Variants in AKT3 observed in about 807,000 individuals in gnomAD.
AKT3 encodes AKT serine/threonine kinase 3.
In AKT3, 15 loss-of-function variants were observed where a neutral mutation model predicts 65.3. That is an observed-to-expected ratio of 0.23 (90% CI 0.15 to 0.35). The LOEUF (loss-of-function observed/expected upper bound fraction) is 0.35, where lower values mean the gene tolerates loss of function less well. Among genes scored for constraint, AKT3 ranks in the 10% least tolerant of loss-of-function variants. The pLI is 1.00. For missense variants in AKT3, 243 were observed against 576.5 expected (o/e 0.42, Z 5.92); for synonymous variants, 206 against 183.8 (o/e 1.12, Z -0.98).
intron 2 of AKT3, among the ~76,000 whole-genome samples, chr1:243,753,718 T>G (rs944294004): frequency 2.6e-5 from 4 of 152,202 alleles, no homozygotes; most frequent in Non-Finnish European, 4.4e-5. Flanking sequence ...CTCCAGTTGT[T>G]CTCTATTGTC....
At chr1:243,658,196 T>C (rs1681971464) in intron 4 of AKT3, among the ~76,000 whole-genome samples, 1 of 152,120 alleles carries the variant, frequency 6.6e-6, no homozygotes, top group South Asian at 2.1e-4. Context: ...TTCCAAACCA[T>C]ATGTCTGATA....
At chr1:243,569,979 A>G (rs1292694650) in intron 9 of AKT3, among the ~76,000 whole-genome samples, 1 of 152,218 alleles carries the variant, frequency 6.6e-6, no homozygotes, top group Non-Finnish European at 1.5e-5. Flanking sequence ...GTTTTCCTTA[A>G]GTAATCACAA....
At chr1:243,656,135 A>C (rs1250334986) in intron 4 of AKT3, among the ~76,000 whole-genome samples, 1 of 151,970 alleles carries the variant, frequency 6.6e-6, no homozygotes, top group Non-Finnish European at 1.5e-5. Flanking sequence ...TCCTGCAAAA[A>C]AGTATCAGGC....
chr1:243,625,241 C>T (rs1415985400), intron 6 of AKT3, among the ~76,000 whole-genome samples: 1 of 149,430 alleles, frequency 6.7e-6, no homozygotes, highest in Admixed American at 6.7e-5. Flanking sequence ...CAGTGATTCT[C>T]CTGCCTCAGC....
intron 12 of AKT3, among the ~76,000 whole-genome samples, chr1:243,523,859 T>C (rs1327851470): frequency 6.6e-6 from 1 of 152,242 alleles, no homozygotes; most frequent in Non-Finnish European, 1.5e-5. Flanking sequence ...ATCTTAGCTA[T>C]CTCTGCAAGG....
At chr1:243,775,870 CAATT>C (rs1470851424) in intron 2 of AKT3, among the ~76,000 whole-genome samples, 2 of 152,020 alleles carry the variant, frequency 1.3e-5, no homozygotes, top group African/African-American at 4.8e-5. Flanking sequence ...CCCGATCTAT[CAATT>C]AAATCAGAGA....
chr1:243,723,675 C>G (rs1375130022), intron 2 of AKT3, among the ~76,000 whole-genome samples: 1 of 152,082 alleles, frequency 6.6e-6, no homozygotes, highest in Non-Finnish European at 1.5e-5. Context: ...CATGTAATCT[C>G]AGCACTTTGG....
intron 2 of AKT3, among the ~76,000 whole-genome samples, chr1:243,784,119 A>C (rs1387104037): frequency 6.6e-6 from 1 of 152,176 alleles, no homozygotes; most frequent in East Asian, 1.9e-4. Context: ...CGTGACAGAG[A>C]TGAGGGAGGG....
intron 2 of AKT3, among the ~76,000 whole-genome samples, chr1:243,733,222 C>CTTT (rs1319078414): frequency 3.2e-4 from 48 of 152,126 alleles, no homozygotes; most frequent in Admixed American, 2.1e-3. Flanking sequence ...ATCAAAAATA[C>CTTT]TAAAGGCAAA....
At chr1:243,641,936 C>T (rs1307170647) in intron 5 of AKT3, among the ~76,000 whole-genome samples, 2 of 151,604 alleles carry the variant, frequency 1.3e-5, no homozygotes, top group African/African-American at 4.8e-5. Context: ...GACCTTGTCT[C>T]AAATGAAAAT....
At chr1:243,599,156 C>A (rs1051889772) in intron 8 of AKT3, among the ~76,000 whole-genome samples, 2 of 152,070 alleles carry the variant, frequency 1.3e-5, no homozygotes, top group African/African-American at 4.8e-5. Context: ...AGACAAAATG[C>A]AGATTTTCTC....
At chr1:243,609,612 T>G (rs531330818) in intron 8 of AKT3, among the ~76,000 whole-genome samples, 2 of 152,166 alleles carry the variant, frequency 1.3e-5, no homozygotes, top group African/African-American at 2.4e-5. Flanking sequence ...GAGCCGAGAT[T>G]GTACCACTGT....
intron 4 of AKT3, among the ~76,000 whole-genome samples, chr1:243,655,572 C>T (rs535489882): frequency 1.3e-5 from 2 of 152,206 alleles, no homozygotes; most frequent in South Asian, 2.1e-4. Flanking sequence ...ATATAATCTT[C>T]TGTTAGAGTG....
chr1:243,766,394 G>A (rs1280311887), intron 2 of AKT3, among the ~76,000 whole-genome samples: 1 of 152,096 alleles, frequency 6.6e-6, no homozygotes, highest in African/African-American at 2.4e-5. Flanking sequence ...GAAATGTACA[G>A]GGTACTTTAA....
downstream of AKT3, among the ~76,000 whole-genome samples, chr1:243,495,764 C>T (rs1667694030): frequency 6.6e-6 from 1 of 152,172 alleles, no homozygotes; most frequent in South Asian, 2.1e-4. Flanking sequence ...GGGCACCTCT[C>T]TCCTCAGTGC....
chr1:243,624,061 G>T (rs1678971008), intron 6 of AKT3, among the ~76,000 whole-genome samples: 1 of 152,160 alleles, frequency 6.6e-6, no homozygotes, highest in Admixed American at 6.5e-5. Flanking sequence ...GACTCACTGA[G>T]CCTGAGAGTG....
chr1:243,587,348 C>A (rs138365564), intron 8 of AKT3, among the ~76,000 whole-genome samples: 15 of 152,144 alleles, frequency 9.9e-5, no homozygotes, highest in Non-Finnish European at 1.5e-4. Flanking sequence ...CAGTGGCTCA[C>A]GCCTGTAATC....
At chr1:243,745,359 T>C (rs551339424) in intron 2 of AKT3, among the ~76,000 whole-genome samples, 59 of 152,198 alleles carry the variant, frequency 3.9e-4, no homozygotes, top group African/African-American at 1.4e-3. Flanking sequence ...ATAAGAGTAT[T>C]GGGCATATCA....
chr1:243,666,748 AT>A (rs1221008385), intron 3 of AKT3, among the ~76,000 whole-genome samples: 1 of 152,230 alleles, frequency 6.6e-6, no homozygotes, highest in Non-Finnish European at 1.5e-5. Flanking sequence ...ACCCAACATC[AT>A]AGATTAGCCT....
Sources: gnomAD v4.1 joint callset for allele counts (sites outside exome capture counted in the v4.1 genomes callset) on GRCh38, gnomAD v4.1.1 for gene constraint, MANE v1.5 for transcripts, NCBI Gene and HGNC (gene_info 2026-07-23, HGNC 2026-07-21) for gene names.